Variants in CAND2 observed in about 807,000 individuals in gnomAD.
CAND2 encodes the protein cullin-associated NEDD8-dissociated protein 2.
A neutral mutation model predicts 98.9 loss-of-function variants in CAND2; 62 were observed. The observed-to-expected ratio is 0.63, with a 90% confidence interval of 0.51 to 0.77. The LOEUF (loss-of-function observed/expected upper bound fraction) is 0.77. Ranked by LOEUF, CAND2 falls within the 30% of genes least tolerant of loss-of-function variation. The probability of loss-of-function intolerance (pLI) is 0.00; values close to 1 mark genes in which losing one functional copy is unlikely to be tolerated. For missense variants in CAND2, 1,501 were observed against 1,655.2 expected (o/e 0.91, Z 1.62); for synonymous variants, 770 against 731.9 (o/e 1.05, Z -0.84).
chr3:12,821,601 G>A lies in CAND2; in HGVS notation c.3040+1420G>A, dbSNP rs545612739. Reference sequence around the variant, plus strand: ...CCCCTCCGGCCTGATTTCCTCCATTGTAACGGAGCTGCCCTTGGCTAGCAC... The same window carrying A: ...CCCCTCCGGCCTGATTTCCTCCATTATAACGGAGCTGCCCTTGGCTAGCAC... On this transcript the variant is annotated intron_variant, in intron 11 of 14. Transcript: ENST00000456430. Among the ~76,000 whole-genome samples, 15 of 152,310 alleles carry A rather than the reference G, an allele frequency of 9.8e-5. No homozygotes were observed. In the South Asian group the frequency reaches 2.9e-3, roughly 29 times the overall value.
intron 11 of CAND2, among the ~76,000 whole-genome samples, chr3:12,823,019 A>G (rs6800812): frequency 0.43 from 64,773 of 151,948 alleles, 14,273 homozygotes; most frequent in Admixed American, 0.5. Context: ...ATTGCAGTCT[A>G]GCCCCCTTTC....
intron 1 of CAND2, among the ~76,000 whole-genome samples, chr3:12,799,047 G>T (rs1294545997): frequency 6.6e-6 from 1 of 152,186 alleles, no homozygotes; most frequent in African/African-American, 2.4e-5. Flanking sequence ...GTCAAAACGA[G>T]TACCCTTGCA....
At chr3:12,821,523 A>G (rs113743038) in intron 11 of CAND2, among the ~76,000 whole-genome samples, 47 of 152,310 alleles carry the variant, frequency 3.1e-4, no homozygotes, top group African/African-American at 1.1e-3. Flanking sequence ...AAGCTCTAGC[A>G]AGGTCATCGG....
intron 13 of CAND2, among the ~76,000 whole-genome samples, chr3:12,830,287 T>C (rs1692525867): frequency 6.6e-6 from 1 of 152,184 alleles, no homozygotes; most frequent in African/African-American, 2.4e-5. Flanking sequence ...TTCCAGTGTA[T>C]GCCATGCAAA....
intron 1 of CAND2, among the ~76,000 whole-genome samples, chr3:12,797,270 C>T (rs2061733602): frequency 6.6e-6 from 1 of 151,338 alleles, no homozygotes; most frequent in Non-Finnish European, 1.5e-5. Flanking sequence ...GAACCCGGAC[C>T]CTTCCCGGGA....
chr3:12,825,715 TATC>T, intron 12 of CAND2, 76 bp downstream of exon 12: 1 of 1,452,480 alleles, frequency 6.9e-7, no homozygotes, highest in Non-Finnish European at 9.4e-7. Context: ...AGGGCATTAT[TATC>T]TCATCAGAGC....
intron 13 of CAND2, among the ~76,000 whole-genome samples, chr3:12,829,213 T>C (rs1284465894): frequency 6.6e-6 from 1 of 152,260 alleles, no homozygotes; most frequent in African/African-American, 2.4e-5. Flanking sequence ...TGGTGCAATC[T>C]TGGCTCACTG....
In CAND2 at chr3:12,825,659, A is replaced by T. The variant is rs1191089559; in HGVS notation, c.3210+20A>T. On this transcript the variant is annotated intron_variant, in intron 12 of 14. Transcript: ENST00000456430. ...CGAGAGGTGTGGAGCAGAGCTGGGG[A>T]CCCAGGGGAAGCTGGGGGTGATGCC... 6.3e-7 allele frequency: 1 copy of T among 1,583,794 alleles called. No homozygotes were observed. Among genetic ancestry groups the T allele is most frequent in the East Asian group, 2.3e-5 (1 of 43,866 alleles).
chr3:12,818,443 G>A (rs932767967), intron 10 of CAND2, among the ~76,000 whole-genome samples: 4 of 152,220 alleles, frequency 2.6e-5, no homozygotes, highest in Non-Finnish European at 5.9e-5. Context: ...CAGTATAGAC[G>A]GGGACAGGCT....
At chr3:12,811,274 G>A (rs931105770) in intron 5 of CAND2, among the ~76,000 whole-genome samples, 4 of 152,148 alleles carry the variant, frequency 2.6e-5, no homozygotes, top group African/African-American at 9.7e-5. Flanking sequence ...CAGGAAACTC[G>A]GGTCCCCAGA....
intron 1 of CAND2, 31 bp from the exon 2 acceptor site, chr3:12,803,457 C>T (rs2061781741): frequency 6.4e-7 from 1 of 1,561,670 alleles, no homozygotes; most frequent in Non-Finnish European, 8.7e-7. Context: ...CCAGGAGCTG[C>T]TCAGCAATCT....
intron 10 of CAND2, among the ~76,000 whole-genome samples, chr3:12,818,940 T>C (rs1170819834): frequency 6.6e-6 from 1 of 152,192 alleles, no homozygotes; most frequent in Non-Finnish European, 1.5e-5. Flanking sequence ...CACCTATTTG[T>C]TTCTATCTCA....
At chr3:12,809,511 TG>T (rs1575766825) in intron 4 of CAND2, among the ~76,000 whole-genome samples, 1 of 152,014 alleles carries the variant, frequency 6.6e-6, no homozygotes, top group Non-Finnish European at 1.5e-5. Context: ...GGACAGAAAA[TG>T]CACGGGCCTC....
chr3:12,833,779 G>A lies in CAND2; in HGVS notation c.3508G>A (p.Glu1170Lys). 2 of 1,614,096 alleles carry A rather than the reference G, an allele frequency of 1.2e-6. No individual in the cohort carries two copies. The highest frequency in any genetic ancestry group is 1.7e-6 in the Non-Finnish European group (2 of 1,179,954). The part of the protein sequence containing the change: ...AKVKAGSVKQ[E>K]FEKQDELKRS... ...GGTCAAAGCTGGTTCTGTGAAGCAGGAGTTTGAAAAGCAAGATGAACTGAA... is the reference window on the plus strand; with the variant it reads ...GGTCAAAGCTGGTTCTGTGAAGCAGAAGTTTGAAAAGCAAGATGAACTGAA... Residue 1170 changes from glutamate (E) to lysine (K), a missense_variant, in exon 15 of 15, where the codon GAG becomes AAG. Physicochemically the swap from Glu to Lys is moderately conservative, Grantham distance 56 (BLOSUM62 1). Transcript: ENST00000456430.
At chr3:12,829,868 C>T (rs2062038937) in intron 13 of CAND2, among the ~76,000 whole-genome samples, 1 of 152,188 alleles carries the variant, frequency 6.6e-6, no homozygotes, top group Non-Finnish European at 1.5e-5. Context: ...ATATATCAGT[C>T]CTGTCAACAG....
Position 12,833,886 on chromosome 3 carries a change from C to G in CAND2, c.3615C>G (p.Ser1205=). 2 of 1,614,222 alleles carry G rather than the reference C, an allele frequency of 1.2e-6. No individual in the cohort carries two copies. The highest frequency in any genetic ancestry group is 1.7e-6 in the Non-Finnish European group (2 of 1,180,034). ...GKSPIMADFS[S]QIRSNPELAA... ...GCCCCATCATGGCCGACTTCTCTTC[C>G]CAAATCAGATCCAACCCTGAACTTG... Residue 1205 remains serine, a synonymous_variant, in exon 15 of 15, where the codon TCC becomes TCG. Coordinates refer to ENST00000456430, the MANE Select transcript of CAND2 (RefSeq NM_001162499.2).
Position 12,815,718 on chromosome 3 carries a change from C to T in CAND2, c.1300-149C>T, listed in dbSNP as rs1452835134. 8 of 821,236 alleles carry T rather than the reference C, an allele frequency of 9.7e-6. No homozygotes were observed. The highest frequency in any genetic ancestry group is 1.7e-5 in the African/African-American group (1 of 57,896). The allele number at this position is 821,236 out of a possible 1,614,324, so 50.9% of individuals were successfully genotyped here. On this transcript the variant is annotated intron_variant, in intron 8 of 14. Coordinates refer to ENST00000456430, the MANE Select transcript of CAND2 (RefSeq NM_001162499.2). This position sits in a 1 kb window ranked among gnomAD's most constrained non-coding sequence, Gnocchi z 5.7. ...AGGGTCTGTGTGCGGTCACCAAAAGCCTGGCACAGAGTGAGGGACGAGTGC... is the reference window on the plus strand; with the variant it reads ...AGGGTCTGTGTGCGGTCACCAAAAGTCTGGCACAGAGTGAGGGACGAGTGC...
At position 12,831,491 on chromosome 3, in the gene CAND2, G is replaced by T; in HGVS notation, c.3402G>T (p.Arg1134=). The T allele has an allele frequency of 6.2e-7, 1 of 1,614,050 alleles. No individual in the cohort carries two copies. The highest frequency in any genetic ancestry group is 8.5e-7 in the Non-Finnish European group (1 of 1,180,006). ...IRMLTFIMVA[R]LATLCPAPVL... is the part of the protein sequence containing the mutation. The stretch of plus-strand genomic sequence containing the variant: ...TGCTGACCTTCATCATGGTTGCCCG[G>T]CTGGCCACCCTGTGTCCTGCACCTG... Residue 1134 remains arginine, a synonymous_variant, in exon 14 of 15, where the codon CGG becomes CGT. Transcript: ENST00000456430.
intron 13 of CAND2, among the ~76,000 whole-genome samples, chr3:12,831,125 CAT>C (rs1226848025): frequency 2.0e-4 from 30 of 152,238 alleles, no homozygotes; most frequent in African/African-American, 6.5e-4. Context: ...CCCCAAGCTA[CAT>C]GTTTGCACTC....
Sources: allele counts gnomAD v4.1 joint callset (sites outside exome capture counted in the v4.1 genomes callset), GRCh38; gene constraint gnomAD v4.1.1; non-coding constraint Gnocchi (gnomAD v3.1); transcripts MANE v1.5; gene names NCBI Gene and HGNC (gene_info 2026-07-23, HGNC 2026-07-21).